The following DSCAM variants were observed in gnomAD, a reference collection of about 807,000 sequenced individuals.
DSCAM encodes cell adhesion molecule DSCAM.
A neutral mutation model predicts 217.7 loss-of-function variants in DSCAM; 47 were observed. The observed-to-expected ratio is 0.22, with a 90% CI of 0.17 to 0.28. DSCAM has a LOEUF of 0.28. Ranked by LOEUF, DSCAM falls within the 10% of genes least tolerant of loss-of-function variation. The pLI is 1.00. For missense variants in DSCAM, 2,080 were observed against 2,618.3 expected (o/e 0.79, Z 4.49); for synonymous variants, 1,056 against 1,015.3 (o/e 1.04, Z -0.76).
intron 3 of DSCAM, among the ~76,000 whole-genome samples, chr21:40,518,526 T>TAATATATGA (rs372896010): frequency 2.4e-5 from 1 of 42,058 alleles, no homozygotes; most frequent in African/African-American, 1.7e-4. Context: ...ATAATATATA[T>TAATATATGA]TTTATATATA....
intron 3 of DSCAM, among the ~76,000 whole-genome samples, chr21:40,679,771 T>A (rs1445969991): frequency 6.6e-6 from 1 of 152,234 alleles, no homozygotes; most frequent in African/African-American, 2.4e-5. Flanking sequence ...TATTTTAAAA[T>A]CCTACAGACT....
chr21:40,382,631 G>C (rs62223809), intron 3 of DSCAM, among the ~76,000 whole-genome samples: 1 of 152,110 alleles, frequency 6.6e-6, no homozygotes, highest in Non-Finnish European at 1.5e-5. Flanking sequence ...ACAAGAACAC[G>C]CAAGGGTAGA....
At chr21:40,543,022 T>C (rs575745305) in intron 3 of DSCAM, among the ~76,000 whole-genome samples, 2 of 152,270 alleles carry the variant, frequency 1.3e-5, no homozygotes, top group African/African-American at 4.8e-5. Context: ...CCTTGAGATA[T>C]TTATCTGATT....
At chr21:40,361,991 C>A (rs1296278402) in intron 4 of DSCAM, among the ~76,000 whole-genome samples, 1 of 152,094 alleles carries the variant, frequency 6.6e-6, no homozygotes, top group East Asian at 1.9e-4. Context: ...TCTCATTGTT[C>A]AATTCCCATC....
chr21:40,545,148 A>T (rs2076571753), intron 3 of DSCAM, among the ~76,000 whole-genome samples: 1 of 152,136 alleles, frequency 6.6e-6, no homozygotes, highest in Non-Finnish European at 1.5e-5. Context: ...TGTGCCATGT[A>T]GGGATACAAG....
At chr21:40,421,266 C>T (rs1042221524) in intron 3 of DSCAM, among the ~76,000 whole-genome samples, 4 of 152,166 alleles carry the variant, frequency 2.6e-5, no homozygotes, top group Non-Finnish European at 4.4e-5. Flanking sequence ...TCACCCCTGA[C>T]GTTAGAACCT....
At chr21:40,622,770 C>CTT (rs2089538558) in intron 3 of DSCAM, among the ~76,000 whole-genome samples, 1 of 151,832 alleles carries the variant, frequency 6.6e-6, no homozygotes, top group South Asian at 2.1e-4. Flanking sequence ...TCAGCTCTGT[C>CTT]TTCCCAGTCG....
At chr21:40,475,162 T>C (rs1335525688) in intron 3 of DSCAM, among the ~76,000 whole-genome samples, 1 of 152,264 alleles carries the variant, frequency 6.6e-6, no homozygotes, top group Non-Finnish European at 1.5e-5. Context: ...CTTTCATATC[T>C]TTGATTGTGA....
At chr21:40,217,903 G>T (rs2091257741) in intron 11 of DSCAM, among the ~76,000 whole-genome samples, 1 of 151,830 alleles carries the variant, frequency 6.6e-6, no homozygotes, top group African/African-American at 2.4e-5. Context: ...CTGATTATTA[G>T]ACCTTTACCA....
chr21:40,539,765 T>C (rs1453500045), intron 3 of DSCAM, among the ~76,000 whole-genome samples: 1 of 152,172 alleles, frequency 6.6e-6, no homozygotes, highest in Non-Finnish European at 1.5e-5. Flanking sequence ...CTGAGATTTT[T>C]GAAAAGGGAA....
In DSCAM at chr21:40,676,681, G is replaced by A. The variant is rs75791610; in HGVS notation, c.508+16129C>T. Among the ~76,000 whole-genome samples, 1,121 of 152,206 alleles carry A rather than the reference G, an allele frequency of 7.4e-3. 11 individuals are homozygous for A. The highest frequency in any genetic ancestry group is 9.0e-3 in the Non-Finnish European group (613 of 68,022). On this transcript the variant is annotated intron_variant, in intron 3 of 32. Transcript: ENST00000400454. ...GGACACAGACTGACATGGAAAGTTCGAACACAGAATTTACTGACCTTGAAT... is the reference window on the plus strand; with the variant it reads ...GGACACAGACTGACATGGAAAGTTCAAACACAGAATTTACTGACCTTGAAT...
At chr21:40,529,633 A>G (rs188903032) in intron 3 of DSCAM, among the ~76,000 whole-genome samples, 3 of 152,258 alleles carry the variant, frequency 2.0e-5, no homozygotes, top group Admixed American at 1.3e-4. Flanking sequence ...TGATTGGATG[A>G]GAAATGTTCA....
intron 1 of DSCAM, among the ~76,000 whole-genome samples, chr21:40,843,832 T>C (rs2092122719): frequency 6.6e-6 from 1 of 150,562 alleles, no homozygotes; most frequent in Non-Finnish European, 1.5e-5. Flanking sequence ...CTGCAGCCTG[T>C]CTAGCAACCA....
At chr21:40,424,470 G>C (rs1476083893) in intron 3 of DSCAM, among the ~76,000 whole-genome samples, 1 of 152,116 alleles carries the variant, frequency 6.6e-6, no homozygotes, top group Non-Finnish European at 1.5e-5. Context: ...CAAGAGCAAG[G>C]CTTGCCAGCC....
intron 27 of DSCAM, among the ~76,000 whole-genome samples, chr21:40,064,186 T>C (rs972408870): frequency 4.0e-5 from 6 of 151,620 alleles, no homozygotes; most frequent in South Asian, 2.1e-4. Context: ...CACACACACA[T>C]ATATATACAC....
chr21:40,124,460 TC>T (rs2090072747), intron 19 of DSCAM, 132 bp from the exon 20 acceptor site: 1 of 1,116,226 alleles, frequency 9.0e-7, no homozygotes, highest in Non-Finnish European at 1.3e-6. Context: ...TTCCGCTGTG[TC>T]CCCCCAAATG....
chr21:40,605,288 C>T lies in DSCAM; in HGVS notation c.508+87522G>A, dbSNP rs1568933320. 3.3e-5 allele frequency among the ~76,000 whole-genome samples: 5 copies of T among 152,186 alleles called. No homozygotes were observed. In the South Asian group the frequency reaches 8.3e-4, roughly 25 times the overall value. On this transcript the variant is annotated intron_variant, in intron 3 of 32. Coordinates refer to ENST00000400454, the MANE Select transcript of DSCAM (RefSeq NM_001389.5). ...CCTTGGCTCTCATTCTCTGTGTTGA[C>T]CTGTCTCTCCAGATTGCAGACCAGT...
intron 3 of DSCAM, among the ~76,000 whole-genome samples, chr21:40,648,258 C>A (rs1047063215): frequency 2.7e-5 from 4 of 150,092 alleles, no homozygotes; most frequent in Non-Finnish European, 4.4e-5. Context: ...TGTACACACA[C>A]ACACACACAC....
intron 26 of DSCAM, among the ~76,000 whole-genome samples, chr21:40,076,940 CA>C (rs1379697772): frequency 4.6e-5 from 7 of 152,174 alleles, no homozygotes; most frequent in Non-Finnish European, 8.8e-5. Context: ...TGGTAAGTGT[CA>C]AAGTTCTTTA....
Sources: gnomAD v4.1 joint callset for allele counts (sites outside exome capture counted in the v4.1 genomes callset) on GRCh38, gnomAD v4.1.1 for gene constraint, MANE v1.5 for transcripts, NCBI Gene and HGNC (gene_info 2026-07-23, HGNC 2026-07-21) for gene names.